Variants in NELL1 observed in about 807,000 individuals in gnomAD.
NELL1 encodes neural EGFL like 1, also known as protein kinase C-binding protein NELL1.
NELL1 carries 76 observed loss-of-function variants against 107.4 expected under a neutral mutation model. That is an observed-to-expected ratio of 0.71 (90% confidence interval 0.59 to 0.86). NELL1 has a LOEUF of 0.86. Ranked by LOEUF, NELL1 falls within the 40% of genes least tolerant of loss-of-function variation. NELL1 has a pLI of 0.00. For missense variants in NELL1, 1,024 were observed against 1,005.5 expected, an observed-to-expected ratio of 1.02 and a Z score of -0.25; for synonymous variants, 353 against 341.2, an observed-to-expected ratio of 1.03 and a Z score of -0.38.
At chr11:21,356,082 C>T (rs1317225525) in intron 14 of NELL1, among the ~76,000 whole-genome samples, 2 of 152,152 alleles carry the variant, frequency 1.3e-5, no homozygotes, top group Non-Finnish European at 2.9e-5. Flanking sequence ...TGACACACTT[C>T]CCACACTGTG....
chr11:20,827,141 C>CT (rs200722365), intron 3 of NELL1, among the ~76,000 whole-genome samples: 5,106 of 151,172 alleles, frequency 0.034, 314 homozygotes, highest in Middle Eastern at 0.059. Flanking sequence ...GATGGGGATT[C>CT]TAATAGTGCC....
intron 14 of NELL1, among the ~76,000 whole-genome samples, chr11:21,319,494 T>TTATATATATATATATATATATATA (rs143740709): frequency 5.2e-5 from 7 of 135,630 alleles, no homozygotes; most frequent in Non-Finnish European, 6.3e-5. Flanking sequence ...CCAGCTAAAT[T>TTATATATATATATATATATATATA]TATATATATA....
chr11:20,894,078 A>T (rs1280213097), intron 5 of NELL1, among the ~76,000 whole-genome samples: 1 of 152,182 alleles, frequency 6.6e-6, no homozygotes, highest in Non-Finnish European at 1.5e-5. Flanking sequence ...GAATATCCCC[A>T]TGGGGAAAGC....
chr11:21,277,222 T>C (rs1332769993), intron 14 of NELL1, among the ~76,000 whole-genome samples: 1 of 146,178 alleles, frequency 6.8e-6, no homozygotes, highest in Non-Finnish European at 1.5e-5. Flanking sequence ...AACAGCCCCA[T>C]CAAAAAGTGG....
chr11:20,785,081 C>T (rs12365800), intron 3 of NELL1, among the ~76,000 whole-genome samples: 43,460 of 151,904 alleles, frequency 0.29, 7,010 homozygotes, highest in African/African-American at 0.43. Context: ...AAGGGTGTTA[C>T]ATCAAACAGA....
chr11:20,979,490 T>G (rs1449761603), intron 12 of NELL1, among the ~76,000 whole-genome samples: 1 of 152,162 alleles, frequency 6.6e-6, no homozygotes, highest in Non-Finnish European at 1.5e-5. Flanking sequence ...AATGAAATAA[T>G]CTTTGCTCTG....
chr11:20,734,254 T>G (rs934346170), intron 2 of NELL1, among the ~76,000 whole-genome samples: 1 of 152,170 alleles, frequency 6.6e-6, no homozygotes, highest in Non-Finnish European at 1.5e-5. Flanking sequence ...ACAGATCATA[T>G]TGGGCCTTAG....
At chr11:21,129,451 T>C (rs1456062300) in intron 13 of NELL1, among the ~76,000 whole-genome samples, 1 of 152,184 alleles carries the variant, frequency 6.6e-6, no homozygotes, top group Non-Finnish European at 1.5e-5. Context: ...TGAAGAGATA[T>C]TTGCACACTC....
At chr11:20,709,395 C>T (rs1008300632) in intron 2 of NELL1, among the ~76,000 whole-genome samples, 1 of 152,140 alleles carries the variant, frequency 6.6e-6, no homozygotes, top group Admixed American at 6.5e-5. Flanking sequence ...TTCCATTGGT[C>T]TATGTGACTA....
chr11:20,903,959 G>T (rs1263183423), intron 5 of NELL1, among the ~76,000 whole-genome samples: 6 of 152,122 alleles, frequency 3.9e-5, no homozygotes, highest in Admixed American at 6.6e-5. Context: ...CCCAGTGGCA[G>T]TCCTGAAAGA....
chr11:21,507,795 T>A (rs988490203), intron 15 of NELL1, among the ~76,000 whole-genome samples: 3 of 151,704 alleles, frequency 2.0e-5, no homozygotes, highest in Non-Finnish European at 4.4e-5. Flanking sequence ...TTCTTTTTTT[T>A]TTTTGAGACG....
chr11:21,479,635 C>G (rs1487904302), intron 15 of NELL1, among the ~76,000 whole-genome samples: 1 of 151,998 alleles, frequency 6.6e-6, no homozygotes, highest in African/African-American at 2.4e-5. Context: ...AAAAGGGTGA[C>G]TAAAGTCAAC....
At chr11:20,717,193 A>T (rs935351069) in intron 2 of NELL1, among the ~76,000 whole-genome samples, 1 of 152,192 alleles carries the variant, frequency 6.6e-6, no homozygotes, top group Admixed American at 6.5e-5. Flanking sequence ...CATTAGTCCA[A>T]TCCTATGCCT....
chr11:21,494,483 T>G (rs1854923590), intron 15 of NELL1, among the ~76,000 whole-genome samples: 1 of 152,010 alleles, frequency 6.6e-6, no homozygotes, highest in Non-Finnish European at 1.5e-5. Context: ...TTAAAATATG[T>G]AATTTTAGCA....
intron 14 of NELL1, among the ~76,000 whole-genome samples, chr11:21,316,644 A>G (rs1849886596): frequency 6.6e-6 from 1 of 152,178 alleles, no homozygotes; most frequent in Non-Finnish European, 1.5e-5. Context: ...TGGGGACTCA[A>G]CAGTATCCCA....
At chr11:21,534,829 A>T (rs745451298) in intron 16 of NELL1, among the ~76,000 whole-genome samples, 39 of 152,048 alleles carry the variant, frequency 2.6e-4, no homozygotes, top group Non-Finnish European at 5.4e-4. Context: ...GAAATTTTTG[A>T]CAGTTTGGGA....
At chr11:20,983,671 C>A (rs1489414336) in intron 12 of NELL1, among the ~76,000 whole-genome samples, 1 of 152,182 alleles carries the variant, frequency 6.6e-6, no homozygotes, top group Non-Finnish European at 1.5e-5. Flanking sequence ...CATGTTTTGA[C>A]ATCCTTTAGA....
At chr11:20,727,210 C>T (rs1390742052) in intron 2 of NELL1, among the ~76,000 whole-genome samples, 2 of 152,184 alleles carry the variant, frequency 1.3e-5, no homozygotes, top group Non-Finnish European at 2.9e-5. Flanking sequence ...TACAGTCTCA[C>T]CAACAGTGTA....
intron 15 of NELL1, among the ~76,000 whole-genome samples, chr11:21,424,366 A>T (rs78994082): frequency 6.6e-6 from 1 of 152,156 alleles, no homozygotes; most frequent in African/African-American, 2.4e-5. Flanking sequence ...CACGCTTGTA[A>T]TACCAGCACT....
Sources: gnomAD v4.1 joint callset for allele counts (sites outside exome capture counted in the v4.1 genomes callset) on GRCh38, gnomAD v4.1.1 for gene constraint, MANE v1.5 for transcripts, NCBI Gene and HGNC (gene_info 2026-07-23, HGNC 2026-07-21) for gene names.